Variants in TENM3 observed in about 807,000 individuals in gnomAD.
TENM3 encodes teneurin transmembrane protein 3, also known as teneurin-3.
TENM3 carries 63 observed loss-of-function variants against 255.1 expected under a neutral mutation model. The ratio of observed to expected loss-of-function variants is 0.25; its 90% confidence interval spans 0.20 to 0.30. The LOEUF is 0.30. TENM3 is among the 10% of genes least tolerant of loss of function. The pLI is 1.00. For synonymous variants in TENM3, 1,306 were observed against 1,322.3 expected, an observed-to-expected ratio of 0.99 and a Z score of 0.27; for missense variants, 2,929 against 3,461.1, an observed-to-expected ratio of 0.85 and a Z score of 3.86.
the TENM3 span, among the ~76,000 whole-genome samples, chr4:182,101,299 G>GAAAGA: frequency 8.7e-4 from 108 of 123,784 alleles, no homozygotes; most frequent in East Asian, 1.3e-3. Context: ...AGGAAGGAAG[G>GAAAGA]AGGGAGGGAA....
chr4:181,775,460 G>A, the TENM3 span, among the ~76,000 whole-genome samples: 14 of 152,024 alleles, frequency 9.2e-5, no homozygotes, highest in African/African-American at 2.2e-4. Context: ...GCAAAATCTC[G>A]TCTGGTTGAT....
intron 3 of TENM3, among the ~76,000 whole-genome samples, chr4:182,465,654 C>T (rs961968662): frequency 3.3e-5 from 5 of 152,124 alleles, no homozygotes; most frequent in African/African-American, 1.2e-4. Flanking sequence ...AAAAAGTATA[C>T]TGCTAGAGTC....
chr4:181,672,303 T>C, the TENM3 span, among the ~76,000 whole-genome samples: 7 of 152,200 alleles, frequency 4.6e-5, no homozygotes, highest in African/African-American at 1.7e-4. Flanking sequence ...TATTTGGAAC[T>C]CTATAAATGC....
the TENM3 span, among the ~76,000 whole-genome samples, chr4:181,592,662 CTTT>C: frequency 1.0e-4 from 13 of 130,000 alleles, no homozygotes; most frequent in African/African-American, 8.7e-5. Flanking sequence ...GAAAATCTCT[CTTT>C]TTTTTTTTTT....
rs149456215 is a variant in TENM3, at chr4:182,635,967, A to G, written c.988+7078A>G. 2.8e-4 allele frequency among the ~76,000 whole-genome samples: 42 copies of G among 152,330 alleles called. 1 individual carries two copies. The South Asian group carries it at 8.3e-3, about 30-fold the overall frequency. ...CATGAAAAATCAGCCATTTAACTATATATGGCAAAATAAAATGTGTTTGAC... is the reference window on the plus strand; with the variant it reads ...CATGAAAAATCAGCCATTTAACTATGTATGGCAAAATAAAATGTGTTTGAC... On this transcript the variant is annotated intron_variant, in intron 5 of 27. Transcript: ENST00000511685.
chr4:181,718,601 C>G, the TENM3 span, among the ~76,000 whole-genome samples: 2 of 152,144 alleles, frequency 1.3e-5, no homozygotes, highest in Admixed American at 6.5e-5. Flanking sequence ...AGGGTTTGGT[C>G]GCAATGGAAA....
intron 3 of TENM3, among the ~76,000 whole-genome samples, chr4:182,518,347 C>T (rs1738214579): frequency 6.6e-6 from 1 of 152,104 alleles, no homozygotes; most frequent in Non-Finnish European, 1.5e-5. Flanking sequence ...AATATCACTC[C>T]AGTGAGTATC....
At position 182,673,085 on chromosome 4, in the gene TENM3, A is replaced by T; in HGVS notation, c.1192A>T (p.Ile398Phe). The T allele has an allele frequency of 1.9e-6, 3 of 1,612,850 alleles. No homozygotes were observed. Among genetic ancestry groups the T allele is most frequent in the Non-Finnish European group, 2.5e-6 (3 of 1,179,326 alleles). The part of the protein sequence containing the change: ...LDIGRRAIQE[I>F]PPGIFWRSQL... Reference sequence around the variant, plus strand: ...TATTGGCCGAAGAGCAATTCAAGAGATTCCTCCCGGGATCTTCTGGAGATC... The same window carrying T: ...TATTGGCCGAAGAGCAATTCAAGAGTTTCCTCCCGGGATCTTCTGGAGATC... The change falls in exon 7 of 28, where the codon ATT becomes TTT. Residue 398 changes from isoleucine (I) to phenylalanine (F), a missense_variant. Coordinates refer to ENST00000511685, the MANE Select transcript of TENM3 (RefSeq NM_001080477.4).
intron 3 of TENM3, among the ~76,000 whole-genome samples, chr4:182,385,838 A>G (rs1767882893): frequency 6.6e-6 from 1 of 152,144 alleles, no homozygotes; most frequent in African/African-American, 2.4e-5. Context: ...AGATACAGCT[A>G]TTTTTCTTGG....
intron 6 of TENM3, among the ~76,000 whole-genome samples, chr4:182,670,381 GAGGA>G (rs1755101210): frequency 6.6e-6 from 1 of 152,214 alleles, no homozygotes; most frequent in Non-Finnish European, 1.5e-5. Context: ...GGAAAGAAGA[GAGGA>G]AGGGAGATTA....
the TENM3 span, among the ~76,000 whole-genome samples, chr4:181,765,592 G>C: frequency 6.6e-6 from 1 of 152,138 alleles, no homozygotes; most frequent in African/African-American, 2.4e-5. Context: ...TGTTGTCAAT[G>C]ACTTTGGGGA....
chr4:182,289,374 C>T (rs1760961136), intron 1 of TENM3, among the ~76,000 whole-genome samples: 1 of 152,248 alleles, frequency 6.6e-6, no homozygotes, highest in South Asian at 2.1e-4. Flanking sequence ...TATGTCATCG[C>T]CCCCTCTGCT....
At chr4:182,376,422 T>C (rs149882551) in intron 3 of TENM3, among the ~76,000 whole-genome samples, 10 of 152,336 alleles carry the variant, frequency 6.6e-5, no homozygotes, top group African/African-American at 2.2e-4. Context: ...ACCACATTAA[T>C]GTCATCTAGC....
At chr4:181,558,257 C>A in the TENM3 span, among the ~76,000 whole-genome samples, 1 of 152,310 alleles carries the variant, frequency 6.6e-6, no homozygotes, top group East Asian at 1.9e-4. Context: ...TTTGTCAACA[C>A]ACTCATCTTT....
chr4:181,971,632 T>C, the TENM3 span, among the ~76,000 whole-genome samples: 1 of 152,054 alleles, frequency 6.6e-6, no homozygotes, highest in Admixed American at 6.6e-5. Flanking sequence ...AGTGGCATGA[T>C]CATAGCTCAC....
the TENM3 span, among the ~76,000 whole-genome samples, chr4:181,989,051 C>T: frequency 6.0e-4 from 92 of 152,158 alleles, 2 homozygotes; most frequent in South Asian, 0.019. Context: ...CCCCAAATAT[C>T]TTATATTTGT....
chr4:181,594,007 T>A, the TENM3 span, among the ~76,000 whole-genome samples: 5 of 150,172 alleles, frequency 3.3e-5, no homozygotes, highest in African/African-American at 4.9e-5. Context: ...TTTTTTTTTT[T>A]ATAATGAAAT....
chr4:182,337,447 C>T lies in TENM3; in HGVS notation c.233-9204C>T, dbSNP rs1386360931. ...GACTAATAAGCCTGTGGAAAATGCT[C>T]AGCACCGTTAGCCATCAGAGAAATG... On this transcript the variant is annotated intron_variant, in intron 2 of 27. Transcript: ENST00000511685. Among the ~76,000 whole-genome samples the T allele has an allele frequency of 2.0e-5, 3 of 152,260 alleles. No individual in the cohort carries two copies. In the East Asian group the frequency reaches 5.8e-4, roughly 29 times the overall value.
At chr4:182,631,637 C>T (rs1395807307) in intron 5 of TENM3, 1 of 152,122 alleles carries the variant, frequency 6.6e-6, no homozygotes, top group East Asian at 1.9e-4. Context: ...GTCTGATAAA[C>T]CCCAGTATCA....
Sources: gnomAD v4.1 joint callset for allele counts (sites outside exome capture counted in the v4.1 genomes callset) on GRCh38, gnomAD v4.1.1 for gene constraint, MANE v1.5 for transcripts, NCBI Gene and HGNC (gene_info 2026-07-23, HGNC 2026-07-21) for gene names.